The following PNPLA8 variants were observed in gnomAD, a reference collection of about 807,000 sequenced individuals.
PNPLA8 encodes the protein calcium-independent phospholipase A2-gamma.
PNPLA8 carries 39 observed loss-of-function variants against 76.9 expected under a neutral mutation model. That is an observed-to-expected ratio of 0.51 (90% CI 0.39 to 0.66). The LOEUF is 0.66. PNPLA8 is among the 30% of genes least tolerant of loss of function. The pLI, the probability that PNPLA8 is intolerant of heterozygous loss-of-function variation, is 0.00. For missense variants in PNPLA8, 887 were observed against 918.0 expected (o/e 0.97, Z 0.44); for synonymous variants, 301 against 307.9 (o/e 0.98, Z 0.24).
At chr7:108,489,724 A>G (rs1300132191) in intron 8 of PNPLA8, among the ~76,000 whole-genome samples, 1 of 152,244 alleles carries the variant, frequency 6.6e-6, no homozygotes, top group Admixed American at 6.5e-5. Flanking sequence ...CATAGTTAAG[A>G]GCAACAGAAA....
At chr7:108,506,720 A>C (rs1041624700) in intron 4 of PNPLA8, among the ~76,000 whole-genome samples, 10 of 152,160 alleles carry the variant, frequency 6.6e-5, no homozygotes, top group African/African-American at 2.2e-4. Context: ...GAAAAAAAAA[A>C]CCAGACATAT....
At chr7:108,510,526 T>A (rs933546002) in intron 4 of PNPLA8, 72 of 1,367,260 alleles carry the variant, frequency 5.3e-5, no homozygotes, top group Non-Finnish European at 7.0e-5. Context: ...GAGGTATCAG[T>A]GGCGTGAGCC....
rs1863140167 is a variant in PNPLA8 at position 108,514,313 on chromosome 7, A to G, written c.1057-20T>C. On this transcript the variant is annotated intron_variant, in intron 3 of 10. Coordinates refer to ENST00000257694, the MANE Select transcript of PNPLA8 (RefSeq NM_001256007.3). ...GATAATCTACAAAGACATATTAAAT[A>G]GATATGATTAGAATACAAAACTGCT... The G allele has an allele frequency of 1.3e-6, 2 of 1,587,488 alleles. No homozygotes were observed. Among genetic ancestry groups the G allele is most frequent in the Non-Finnish European group, 1.7e-6 (2 of 1,162,658 alleles).
rs2154516778 is a variant in PNPLA8, at chr7:108,515,334, T to G, written c.158A>C (p.Asn53Thr). 6.2e-7 allele frequency: 1 copy of G among 1,613,636 alleles called. No individual in the cohort carries two copies. The highest frequency in any genetic ancestry group is 1.3e-5 in the African/African-American group (1 of 75,024). Residue 53 changes from asparagine (N) to threonine (T), a missense_variant, in exon 3 of 11, where the codon AAC becomes ACC. Physicochemically the swap from Asn to Thr is moderately conservative, Grantham distance 65. Transcript: ENST00000257694. ...TTTGGTCCATTTACATCTTATTATGTTTGTATGAAAACCTCTTTGTAGACT... is the reference window on the plus strand; with the variant it reads ...TTTGGTCCATTTACATCTTATTATGGTTGTATGAAAACCTCTTTGTAGACT... ...HISLQRGFHT[N>T]IIRCKWTKSE...
At chr7:108,512,787 A>G (rs934825734) in intron 4 of PNPLA8, among the ~76,000 whole-genome samples, 2 of 152,270 alleles carry the variant, frequency 1.3e-5, no homozygotes, top group African/African-American at 4.8e-5. Context: ...TTCATAATTG[A>G]TCTGAATATA....
rs1324120065 is a variant in PNPLA8, at chr7:108,472,191, T to A, written c.*210A>T. Reference sequence around the variant, plus strand: ...GGGTTACTAAAGCTTAGCTAATTATTAACATCTTAAAAGCCTAGTTCCCAT... The same window carrying A: ...GGGTTACTAAAGCTTAGCTAATTATAAACATCTTAAAAGCCTAGTTCCCAT... On this transcript the variant is annotated 3_prime_UTR_variant, in exon 11 of 11. Transcript: ENST00000257694. 2.3e-6 allele frequency: 1 copy of A among 432,048 alleles called. No homozygotes were observed. Among genetic ancestry groups the A allele is most frequent in the African/African-American group, 2.1e-5 (1 of 48,560 alleles). The allele number at this position is 432,048 out of a possible 1,614,324, so 26.8% of individuals were successfully genotyped here. A position where few individuals can be genotyped will look rare whatever the true frequency, so the allele number is the denominator to read the frequency against.
At chr7:108,517,577 T>G (rs1005851394) in intron 2 of PNPLA8, among the ~76,000 whole-genome samples, 1 of 152,010 alleles carries the variant, frequency 6.6e-6, no homozygotes, top group Non-Finnish European at 1.5e-5. Flanking sequence ...AGACAGACAA[T>G]GGAAAATTGT....
intron 9 of PNPLA8, among the ~76,000 whole-genome samples, chr7:108,487,141 G>A (rs1025572204): frequency 6.6e-6 from 1 of 152,102 alleles, no homozygotes; most frequent in Non-Finnish European, 1.5e-5. Context: ...TACAGCTAGT[G>A]TACACATGAA....
chr7:108,498,646 A>C (rs1404870318), intron 5 of PNPLA8, among the ~76,000 whole-genome samples: 1 of 152,070 alleles, frequency 6.6e-6, no homozygotes, highest in East Asian at 1.9e-4. Context: ...TTAACCCTCT[A>C]TATTAATGGT....
At chr7:108,513,183 A>T (rs1329620246) in intron 4 of PNPLA8, among the ~76,000 whole-genome samples, 3 of 152,190 alleles carry the variant, frequency 2.0e-5, no homozygotes, top group African/African-American at 7.2e-5. Context: ...ATGTAATTCT[A>T]TTTAAGATCT....
rs1299793641 is a variant in PNPLA8, at chr7:108,470,891, AG to A, written c.*1509del. 2 of 152,218 alleles carry A rather than the reference AG, an allele frequency of 1.3e-5. No individual in the cohort carries two copies. The highest frequency in any genetic ancestry group is 2.9e-5 in the Non-Finnish European group (2 of 68,036). 9.4% of individuals were successfully genotyped at this position (152,218 alleles called of 1,614,324 possible). On this transcript the variant is annotated 3_prime_UTR_variant, in exon 11 of 11. Transcript: ENST00000257694. ...ACAGAAGGGTTCTTGCAGCAAAGGC[AG>A]GATTAGCATCCAGACTCTCGACTCC...
rs754208244 is a variant in PNPLA8 at position 108,487,947 on chromosome 7, C to A, written c.1690G>T (p.Ala564Ser). The change falls in exon 9 of 11, where the codon GCT becomes TCT. Residue 564 changes from alanine (A) to serine (S), a missense_variant. Ala to Ser is a moderately conservative substitution (Grantham distance 99). Transcript: ENST00000257694. Reference sequence around the variant, plus strand: ...CCTCTATTTACTATGGTACTTACAGCAGCTACCTAGTGAATGAAAAAGTGA... The same window carrying A: ...CCTCTATTTACTATGGTACTTACAGAAGCTACCTAGTGAATGAAAAAGTGA... ...ARNPTCPKVA[A>S]VSTIVNRGIT... 1.9e-6 allele frequency: 3 copies of A among 1,595,334 alleles called. No individual in the cohort carries two copies. The highest frequency in any genetic ancestry group is 3.4e-5 in the Admixed American group (2 of 58,246).
At chr7:108,486,905 A>G (rs932384530) in intron 9 of PNPLA8, among the ~76,000 whole-genome samples, 1 of 152,108 alleles carries the variant, frequency 6.6e-6, no homozygotes, top group African/African-American at 2.4e-5. Context: ...GAAAAACGTC[A>G]AGATTCCTCT....
At chr7:108,500,059 T>A (rs1248115906) in intron 5 of PNPLA8, among the ~76,000 whole-genome samples, 4 of 152,252 alleles carry the variant, frequency 2.6e-5, no homozygotes, top group African/African-American at 9.6e-5. Flanking sequence ...GTTTTTCTAT[T>A]TGTTGTCTTT....
chr7:108,505,334 ATATATATATATATATATATTTTTTTTTTT>A (rs1563967877), intron 4 of PNPLA8, among the ~76,000 whole-genome samples: 11 of 5,488 alleles, frequency 2.0e-3, no homozygotes, highest in African/African-American at 4.4e-3. Flanking sequence ...ATATATATAT[ATATATATATATATATATATTTTTTTTTTT>A]TTTTTTTTTT....
intron 8 of PNPLA8, among the ~76,000 whole-genome samples, chr7:108,489,145 G>C (rs910657101): frequency 1.3e-5 from 2 of 152,158 alleles, no homozygotes; most frequent in Non-Finnish European, 2.9e-5. Flanking sequence ...ATTCAAAACT[G>C]ACAACTTCAT....
intron 7 of PNPLA8, among the ~76,000 whole-genome samples, chr7:108,493,621 C>T (rs931499055): frequency 2.1e-5 from 3 of 141,284 alleles, no homozygotes; most frequent in Admixed American, 7.4e-5. Flanking sequence ...GGGGTTTCAC[C>T]GTGTAGGCCA....
intron 1 of PNPLA8, among the ~76,000 whole-genome samples, chr7:108,522,284 A>G (rs1407888596): frequency 2.8e-5 from 4 of 143,330 alleles, no homozygotes; most frequent in Non-Finnish European, 6.0e-5. Context: ...ACAGAGCGAG[A>G]CTCCCTCTCA....
chr7:108,493,714 G>A (rs1173112005), intron 7 of PNPLA8, among the ~76,000 whole-genome samples: 3 of 151,626 alleles, frequency 2.0e-5, no homozygotes, highest in Non-Finnish European at 2.9e-5. Flanking sequence ...AAGCTTTCAC[G>A]ATTGGAAAGA....
Sources: allele counts gnomAD v4.1 joint callset (sites outside exome capture counted in the v4.1 genomes callset), GRCh38; gene constraint gnomAD v4.1.1; transcripts MANE v1.5; gene names NCBI Gene and HGNC (gene_info 2026-07-23, HGNC 2026-07-21).